The following DEFB121 variants were observed in gnomAD, a reference collection of about 807,000 sequenced individuals.
The protein encoded by DEFB121 is defensin beta 121.
A neutral mutation model predicts 2.5 loss-of-function variants in DEFB121; 5 were observed. The ratio of observed to expected loss-of-function variants is 1.96; its 90% CI spans 1.03 to 4.13. The LOEUF (loss-of-function observed/expected upper bound fraction) is 4.13, where lower values mean the gene tolerates loss of function less well. DEFB121 is among the 30% of genes most tolerant of loss of function. The pLI, the probability that DEFB121 is intolerant of heterozygous loss-of-function variation, is 0.00. For synonymous variants in DEFB121, 39 were observed against 32.6 expected (o/e 1.20, Z -0.67); for missense variants, 87 against 85.0 (o/e 1.02, Z -0.09).
intron 1 of DEFB121, 138 bp downstream of exon 1, chr20:31,405,957 A>G: frequency 2.2e-6 from 2 of 889,332 alleles, no homozygotes; most frequent in East Asian, 2.7e-5. Flanking sequence ...AAACTTCCCC[A>G]TAACTAGAGA....
At chr20:31,408,389 C>T (rs1235550939), upstream of DEFB121, among the ~76,000 whole-genome samples, 2 of 152,086 alleles carry the variant, frequency 1.3e-5, no homozygotes, top group African/African-American at 4.8e-5. Flanking sequence ...GAGGTCGAAG[C>T]TACAATGAGC....
At chr20:31,410,739 A>G (rs1458346476), upstream of DEFB121, among the ~76,000 whole-genome samples, 1 of 151,926 alleles carries the variant, frequency 6.6e-6, no homozygotes, top group Non-Finnish European at 1.5e-5. Context: ...CCATTCAAGC[A>G]AACGGCACAA....
chr20:31,413,929 G>A (rs147366390), upstream of DEFB121, among the ~76,000 whole-genome samples: 7 of 152,270 alleles, frequency 4.6e-5, no homozygotes, highest in East Asian at 1.9e-4. Context: ...AAAGATAGGC[G>A]GGGTAAGGTG....
chr20:31,418,343 A>C, the DEFB121 span, among the ~76,000 whole-genome samples: 2 of 151,944 alleles, frequency 1.3e-5, no homozygotes, highest in Non-Finnish European at 2.9e-5. Context: ...CCTAGAGAGA[A>C]GACCTTAAGA....
At chr20:31,410,823 TGAGA>T (rs72164704), upstream of DEFB121, among the ~76,000 whole-genome samples, 12,733 of 136,002 alleles carry the variant, frequency 0.094, 564 homozygotes, top group Middle Eastern at 0.21. Flanking sequence ...CCTTGAAAAA[TGAGA>T]GAGAGAGAGA....
At chr20:31,414,112 C>A (rs2122363693), upstream of DEFB121, among the ~76,000 whole-genome samples, 1 of 152,202 alleles carries the variant, frequency 6.6e-6, no homozygotes, top group Non-Finnish European at 1.5e-5. Context: ...GAGGCTGAGG[C>A]AGGAGAATTG....
chr20:31,404,872 A>G lies in DEFB121; in HGVS notation c.*41T>C, dbSNP rs759582694. 23 of 1,604,468 alleles carry G rather than the reference A, an allele frequency of 1.4e-5. No individual in the cohort carries two copies. Among genetic ancestry groups the G allele is most frequent in the Middle Eastern group, 1.7e-4 (1 of 6,060 alleles). On this transcript the variant is annotated 3_prime_UTR_variant, in exon 2 of 2. Coordinates refer to ENST00000376314, the MANE Select transcript of DEFB121 (RefSeq NM_001011878.3). ...GCCAAGAATGATTTAATAGAACTGC[A>G]GGATCCCATGATGTTGAGACTCAAG...
At chr20:31,405,304 C>T (rs920784651) in intron 1 of DEFB121, among the ~76,000 whole-genome samples, 2 of 151,978 alleles carry the variant, frequency 1.3e-5, no homozygotes, top group Non-Finnish European at 2.9e-5. Context: ...AGAGTCCCCC[C>T]AACTCAGTGG....
At chr20:31,414,677 G>T (rs1978754935), upstream of DEFB121, among the ~76,000 whole-genome samples, 1 of 152,196 alleles carries the variant, frequency 6.6e-6, no homozygotes, top group Non-Finnish European at 1.5e-5. Flanking sequence ...AGAGTGGCAT[G>T]ATGATTGTCA....
At chr20:31,413,571 AC>A (rs1390993153), upstream of DEFB121, among the ~76,000 whole-genome samples, 2 of 152,170 alleles carry the variant, frequency 1.3e-5, no homozygotes, top group Non-Finnish European at 2.9e-5. Context: ...TCAGTGTGGA[AC>A]CCAAGCTGAC....
chr20:31,417,081 C>A (rs1017850498), upstream of DEFB121, among the ~76,000 whole-genome samples: 1 of 152,150 alleles, frequency 6.6e-6, no homozygotes, highest in Non-Finnish European at 1.5e-5. Flanking sequence ...CGCAATGGCT[C>A]ACATCTATAA....
At chr20:31,418,035 C>T in the DEFB121 span, among the ~76,000 whole-genome samples, 2 of 149,812 alleles carry the variant, frequency 1.3e-5, no homozygotes, top group Non-Finnish European at 3.0e-5. Flanking sequence ...CCGAGGCGGG[C>T]GGATCACGAG....
rs891778363 is a variant in DEFB121, at chr20:31,412,785, A to T, written n.54T>A. The T allele has an allele frequency of 8.7e-6, 7 of 805,298 alleles. No homozygotes were observed. The African/African-American group carries it at 1.1e-4, about 12-fold the overall frequency. 49.9% of individuals were successfully genotyped at this position (805,298 alleles called of 1,614,324 possible). On this transcript the variant is annotated non_coding_transcript_exon_variant, in exon 1 of 2. Coordinates refer to the DEFB121 transcript ENST00000376312. The stretch of plus-strand genomic sequence containing the variant: ...CGTGATCTTCAAGTTTGAAAATTGC[A>T]TCTCAAATCTAAGACCCAGAGGGCT...
upstream of DEFB121, among the ~76,000 whole-genome samples, chr20:31,413,514 C>T (rs149412980): frequency 9.7e-3 from 1,479 of 152,284 alleles, 22 homozygotes; most frequent in African/African-American, 0.033. Flanking sequence ...ATTTCCCATA[C>T]ATGCTGCATA....
the DEFB121 span, among the ~76,000 whole-genome samples, chr20:31,418,074 A>C: frequency 1.3e-5 from 2 of 149,436 alleles, no homozygotes; most frequent in Non-Finnish European, 3.0e-5. Context: ...TCCCGGCTAA[A>C]ACGGTGAAAC....
chr20:31,416,048 C>T (rs754742239), upstream of DEFB121, among the ~76,000 whole-genome samples: 6 of 85,384 alleles, frequency 7.0e-5, no homozygotes, highest in Non-Finnish European at 1.5e-4. Context: ...GCCCTTCTTC[C>T]CACTTTTTTG....
chr20:31,411,126 A>G (rs145089914), upstream of DEFB121, among the ~76,000 whole-genome samples: 301 of 152,338 alleles, frequency 2.0e-3, no homozygotes, highest in Non-Finnish European at 3.4e-3. Context: ...TCAGCAGTAG[A>G]GAAGACTCTC....
upstream of DEFB121, among the ~76,000 whole-genome samples, chr20:31,413,286 A>G (rs2122362342): frequency 6.6e-6 from 1 of 152,372 alleles, no homozygotes; most frequent in Admixed American, 6.5e-5. Context: ...AATGAGCTTC[A>G]TATCCCTCAA....
upstream of DEFB121, among the ~76,000 whole-genome samples, chr20:31,411,104 T>G (rs1978650867): frequency 1.3e-5 from 2 of 152,176 alleles, no homozygotes; most frequent in African/African-American, 4.8e-5. Flanking sequence ...TTATCGGAAT[T>G]AATAGTAGTT....
Sources: allele counts gnomAD v4.1 joint callset (sites outside exome capture counted in the v4.1 genomes callset), GRCh38; gene constraint gnomAD v4.1.1; transcripts MANE v1.5; gene names NCBI Gene and HGNC (gene_info 2026-07-23, HGNC 2026-07-21).